The following TAFA4 variants were observed in gnomAD, a reference collection of about 807,000 sequenced individuals.
TAFA4 encodes the protein TAFA chemokine like family member 4, also known as chemokine-like protein TAFA-4.
A neutral mutation model predicts 21.1 loss-of-function variants in TAFA4; 20 were observed. The observed-to-expected ratio is 0.95, with a 90% confidence interval of 0.67 to 1.38. The LOEUF (loss-of-function observed/expected upper bound fraction) is 1.38. TAFA4 is among the 40% of genes most tolerant of loss of function. The probability of loss-of-function intolerance (pLI) is 0.00; values close to 1 mark genes in which losing one functional copy is unlikely to be tolerated. For synonymous variants in TAFA4, 71 were observed against 67.4 expected, an observed-to-expected ratio of 1.05 and a Z score of -0.26; for missense variants, 211 against 180.9, an observed-to-expected ratio of 1.17 and a Z score of -0.95.
intron 3 of TAFA4, among the ~76,000 whole-genome samples, chr3:68,810,779 C>T (rs972717333): frequency 2.3e-4 from 35 of 152,220 alleles, no homozygotes; most frequent in African/African-American, 7.5e-4. Context: ...CAGCAGAAAA[C>T]TCTGCAGACT....
chr3:68,739,431 T>C (rs551892075), intron 4 of TAFA4, among the ~76,000 whole-genome samples: 72 of 152,352 alleles, frequency 4.7e-4, no homozygotes, highest in African/African-American at 1.5e-3. Flanking sequence ...GGAATGCTTA[T>C]ACACTGTTGC....
chr3:68,874,936 C>G (rs2089528996), intron 3 of TAFA4, among the ~76,000 whole-genome samples: 1 of 152,280 alleles, frequency 6.6e-6, no homozygotes, highest in Non-Finnish European at 1.5e-5. Context: ...TAATGTGTTC[C>G]TTTCCCTTCT....
Position 68,903,584 on chromosome 3 carries a change from T to C in TAFA4, c.-122-18274A>G, listed in dbSNP as rs1311170556. On this transcript the variant is annotated intron_variant, in intron 1 of 5. Coordinates refer to ENST00000295569, the MANE Select transcript of TAFA4 (RefSeq NM_182522.5). ...TCTATATCATAAAATGTTTTAATGTTTTGATCACTACATTTCCATATAATG... is the reference window on the plus strand; with the variant it reads ...TCTATATCATAAAATGTTTTAATGTCTTGATCACTACATTTCCATATAATG... 2.0e-5 allele frequency among the ~76,000 whole-genome samples: 3 copies of C among 152,222 alleles called. No homozygotes were observed. The East Asian group carries it at 5.8e-4, about 29-fold the overall frequency.
chr3:68,823,347 C>T (rs1704153765), intron 3 of TAFA4, among the ~76,000 whole-genome samples: 1 of 152,186 alleles, frequency 6.6e-6, no homozygotes, highest in Admixed American at 6.5e-5. Flanking sequence ...ATACATTCTT[C>T]ATCTCACATC....
intron 4 of TAFA4, among the ~76,000 whole-genome samples, chr3:68,744,543 A>G (rs548511570): frequency 1.3e-5 from 2 of 152,324 alleles, no homozygotes; most frequent in East Asian, 3.9e-4. Context: ...GCAGAGAAAA[A>G]CAATGAATCA....
chr3:68,828,429 T>C (rs922824742), intron 3 of TAFA4, among the ~76,000 whole-genome samples: 2 of 152,210 alleles, frequency 1.3e-5, no homozygotes, highest in Non-Finnish European at 2.9e-5. Context: ...CAGTGGTAGC[T>C]TGATGGGAAT....
At chr3:68,787,444 A>C (rs1703281239) in intron 3 of TAFA4, among the ~76,000 whole-genome samples, 2 of 152,346 alleles carry the variant, frequency 1.3e-5, no homozygotes, top group South Asian at 2.1e-4. Context: ...AATCATAATT[A>C]TATCACCAGG....
intron 3 of TAFA4, among the ~76,000 whole-genome samples, chr3:68,838,065 A>G (rs11914295): frequency 0.13 from 19,779 of 152,156 alleles, 1,751 homozygotes; most frequent in African/African-American, 0.25. Context: ...ACAATATATT[A>G]TTAATAACTA....
intron 3 of TAFA4, among the ~76,000 whole-genome samples, chr3:68,828,674 T>G (rs1425415818): frequency 6.6e-6 from 1 of 152,204 alleles, no homozygotes; most frequent in African/African-American, 2.4e-5. Flanking sequence ...TTTGGCTCTC[T>G]CTTTGTCTAT....
chr3:68,772,276 G>A (rs1305519762), intron 3 of TAFA4, among the ~76,000 whole-genome samples: 2 of 152,146 alleles, frequency 1.3e-5, no homozygotes, highest in African/African-American at 4.8e-5. Flanking sequence ...TTAATTTCAG[G>A]TGTCAACTGG....
intron 1 of TAFA4, among the ~76,000 whole-genome samples, chr3:68,914,765 G>A (rs1407306853): frequency 6.6e-6 from 1 of 152,132 alleles, no homozygotes; most frequent in Admixed American, 6.6e-5. Flanking sequence ...TTCCAGCAGG[G>A]ATCAACAAAC....
chr3:68,903,627 G>C (rs1358097233), intron 1 of TAFA4, among the ~76,000 whole-genome samples: 2 of 152,214 alleles, frequency 1.3e-5, no homozygotes, highest in South Asian at 2.1e-4. Flanking sequence ...TTGAAAGCCA[G>C]TGAATTTTGT....
At chr3:68,918,229 T>C (rs181350296) in intron 1 of TAFA4, among the ~76,000 whole-genome samples, 1 of 150,272 alleles carries the variant, frequency 6.7e-6, no homozygotes, top group Non-Finnish European at 1.5e-5. Context: ...ATTCACTGTA[T>C]GGTAAGAAAT....
chr3:68,868,926 T>A (rs2089450082), intron 3 of TAFA4, among the ~76,000 whole-genome samples: 1 of 151,512 alleles, frequency 6.6e-6, no homozygotes, highest in Admixed American at 6.6e-5. Flanking sequence ...TACAAAAGAT[T>A]AACAAAAAGT....
At chr3:68,919,611 C>T (rs1232588855) in intron 1 of TAFA4, among the ~76,000 whole-genome samples, 2 of 152,118 alleles carry the variant, frequency 1.3e-5, no homozygotes, top group Non-Finnish European at 2.9e-5. Context: ...TTAAAATTTG[C>T]TTCTTGAGTC....
chr3:68,783,673 CAGAG>C (rs1163439201), intron 3 of TAFA4, among the ~76,000 whole-genome samples: 342 of 86,162 alleles, frequency 4.0e-3, no homozygotes, highest in Middle Eastern at 0.026. Context: ...CACACACACA[CAGAG>C]AGAGAGAGAG....
intron 3 of TAFA4, among the ~76,000 whole-genome samples, chr3:68,803,614 T>TTTAACCACTG (rs1156253928): frequency 6.6e-6 from 1 of 151,882 alleles, no homozygotes; most frequent in Non-Finnish European, 1.5e-5. Flanking sequence ...TCTAACCCAG[T>TTTAACCACTG]TTAACCAGTG....
chr3:68,785,131 G>A (rs557042886), intron 3 of TAFA4, among the ~76,000 whole-genome samples: 11 of 152,232 alleles, frequency 7.2e-5, no homozygotes, highest in Non-Finnish European at 1.6e-4. Context: ...ACAGGGTGCT[G>A]ATTGGTGTGT....
At chr3:68,790,109 C>G (rs1703334614) in intron 3 of TAFA4, among the ~76,000 whole-genome samples, 1 of 151,890 alleles carries the variant, frequency 6.6e-6, no homozygotes, top group South Asian at 2.1e-4. Flanking sequence ...ATAGAGTTTT[C>G]AATGTATGTA....
Sources: allele counts gnomAD v4.1 joint callset (sites outside exome capture counted in the v4.1 genomes callset), GRCh38; gene constraint gnomAD v4.1.1; transcripts MANE v1.5; gene names NCBI Gene and HGNC (gene_info 2026-07-23, HGNC 2026-07-21).